The following CNTNAP5 variants were observed in gnomAD, a reference collection of about 807,000 sequenced individuals.
The protein encoded by CNTNAP5 is contactin associated protein family member 5, also known as contactin-associated protein-like 5.
In CNTNAP5, 72 loss-of-function variants were observed where a neutral mutation model predicts 150.2. That is an observed-to-expected ratio of 0.48 (90% CI 0.40 to 0.58). The LOEUF (loss-of-function observed/expected upper bound fraction) is 0.58, where lower values mean the gene tolerates loss of function less well. Ranked by LOEUF, CNTNAP5 falls within the 20% of genes least tolerant of loss-of-function variation. The pLI is 0.00. For synonymous variants in CNTNAP5, 672 were observed against 619.8 expected, an observed-to-expected ratio of 1.08 and a Z score of -1.25; for missense variants, 1,636 against 1,626.2, an observed-to-expected ratio of 1.01 and a Z score of -0.10.
intron 1 of CNTNAP5, among the ~76,000 whole-genome samples, chr2:124,060,081 C>T (rs555842386): frequency 6.6e-6 from 1 of 152,272 alleles, no homozygotes; most frequent in East Asian, 1.9e-4. Flanking sequence ...AGGCTTGACA[C>T]TTATGAGAAG....
At chr2:124,504,701 G>T in intron 8 of CNTNAP5, 145 bp downstream of exon 8, 4 of 593,840 alleles carry the variant, frequency 6.7e-6, no homozygotes, top group South Asian at 5.3e-5. Context: ...TGAAGAGGCA[G>T]CATTTTTTTT....
chr2:124,623,934 T>G (rs759015019), intron 12 of CNTNAP5, among the ~76,000 whole-genome samples: 9 of 152,246 alleles, frequency 5.9e-5, no homozygotes, highest in Non-Finnish European at 1.3e-4. Context: ...GAGGACTATT[T>G]TAGGCTGAAG....
rs1677962836 is a variant in CNTNAP5, at chr2:124,636,049, C to T, written c.1877-11709C>T. On this transcript the variant is annotated intron_variant, in intron 12 of 23. Coordinates refer to ENST00000682447, the MANE Select transcript of CNTNAP5 (RefSeq NM_001367498.1). ...TTTTGCTCTCCCTCTTTAGAGTATG[C>T]TGTCATTTTGTTCTCATGTAAAGCT... Among the ~76,000 whole-genome samples the T allele has an allele frequency of 2.0e-5, 3 of 152,142 alleles. No homozygotes were observed. The South Asian group carries it at 6.2e-4, about 31-fold the overall frequency.
At chr2:124,791,502 C>T (rs1307034320) in intron 18 of CNTNAP5, among the ~76,000 whole-genome samples, 2 of 152,090 alleles carry the variant, frequency 1.3e-5, no homozygotes, top group Non-Finnish European at 2.9e-5. Context: ...TGAGCCATCC[C>T]ACATGCTAGG....
intron 13 of CNTNAP5, among the ~76,000 whole-genome samples, chr2:124,683,380 A>G (rs1199135129): frequency 6.6e-6 from 1 of 152,162 alleles, no homozygotes; most frequent in Non-Finnish European, 1.5e-5. Flanking sequence ...ACTTTTTTTT[A>G]TTAAAACAGT....
At chr2:124,778,237 A>T (rs1254667463) in intron 17 of CNTNAP5, among the ~76,000 whole-genome samples, 1 of 152,138 alleles carries the variant, frequency 6.6e-6, no homozygotes, top group Non-Finnish European at 1.5e-5. Context: ...AGGCTGTAAC[A>T]CTGCCTAGAG....
rs567869363 is a variant in CNTNAP5 at position 124,259,042 on chromosome 2, G to A, written c.381+16649G>A. On this transcript the variant is annotated intron_variant, in intron 3 of 23. Transcript: ENST00000682447. ...CCTACAACAGGCCCCGGTGTGTGAT[G>A]TTCCCCACCCTGTGTCCAAGTGTTC... Among the ~76,000 whole-genome samples, 16 of 128,876 alleles carry A rather than the reference G, an allele frequency of 1.2e-4. No homozygotes were observed. In the South Asian group the frequency reaches 4.0e-3, roughly 32 times the overall value. The allele number at this position is 128,876 out of a possible 152,430, so 84.5% of individuals were successfully genotyped here.
At chr2:124,635,660 G>T (rs887233733) in intron 12 of CNTNAP5, among the ~76,000 whole-genome samples, 2 of 152,196 alleles carry the variant, frequency 1.3e-5, no homozygotes, top group African/African-American at 4.8e-5. Flanking sequence ...AAGCCTGCTT[G>T]CTCTTGTTCA....
At chr2:124,453,369 G>T (rs1344068773) in intron 6 of CNTNAP5, among the ~76,000 whole-genome samples, 1 of 152,100 alleles carries the variant, frequency 6.6e-6, no homozygotes, top group African/African-American at 2.4e-5. Context: ...AAAGCATCCA[G>T]GATGTCTGGG....
chr2:124,172,504 C>T (rs1047625823), intron 1 of CNTNAP5, among the ~76,000 whole-genome samples: 3 of 152,170 alleles, frequency 2.0e-5, no homozygotes, highest in African/African-American at 4.8e-5. Context: ...CCTCTGACCC[C>T]GGGGATCAAG....
rs2685167 is a variant in CNTNAP5, at chr2:124,847,073, T to G, written c.3218-18233T>G. Among the ~76,000 whole-genome samples, 228 of 152,328 alleles carry G rather than the reference T, an allele frequency of 1.5e-3. 1 individual carries two copies. The highest frequency in any genetic ancestry group is 5.2e-3 in the African/African-American group (216 of 41,580). On this transcript the variant is annotated intron_variant, in intron 19 of 23. Transcript: ENST00000682447. ...GGCCTCCAGCCAGGAGAGGGCACTT[T>G]TAAGAATGCATCACATGTGGCCCTA...
chr2:124,847,154 G>A (rs1227206504), intron 19 of CNTNAP5, among the ~76,000 whole-genome samples: 2 of 152,266 alleles, frequency 1.3e-5, no homozygotes, highest in South Asian at 2.1e-4. Flanking sequence ...AGGATTTTCA[G>A]GTGGGGAGCA....
chr2:124,377,089 A>G (rs1456761518), intron 3 of CNTNAP5, among the ~76,000 whole-genome samples: 1 of 152,142 alleles, frequency 6.6e-6, no homozygotes, highest in Non-Finnish European at 1.5e-5. Context: ...GAAGTTGGAA[A>G]AAATCTTTAA....
At chr2:124,269,200 A>G (rs943570747) in intron 3 of CNTNAP5, among the ~76,000 whole-genome samples, 1 of 152,168 alleles carries the variant, frequency 6.6e-6, no homozygotes, top group Admixed American at 6.5e-5. Context: ...ATTTTAAATG[A>G]AAACCTAAGA....
At chr2:124,292,458 A>C (rs964088788) in intron 3 of CNTNAP5, among the ~76,000 whole-genome samples, 1 of 152,172 alleles carries the variant, frequency 6.6e-6, no homozygotes, top group Non-Finnish European at 1.5e-5. Context: ...TTAAAAACCC[A>C]TAATTACATG....
chr2:124,554,147 C>T (rs1463701173), intron 10 of CNTNAP5, among the ~76,000 whole-genome samples: 1 of 151,814 alleles, frequency 6.6e-6, no homozygotes, highest in East Asian at 1.9e-4. Flanking sequence ...ATAAATCTAG[C>T]AGGTCTTAGC....
intron 3 of CNTNAP5, among the ~76,000 whole-genome samples, chr2:124,393,534 T>C (rs1432481410): frequency 6.6e-6 from 1 of 152,222 alleles, no homozygotes; most frequent in Non-Finnish European, 1.5e-5. Flanking sequence ...GTGTTAAAGA[T>C]GCTAGACCTA....
chr2:124,877,735 G>T (rs995087408), intron 21 of CNTNAP5, among the ~76,000 whole-genome samples: 11 of 152,034 alleles, frequency 7.2e-5, no homozygotes, highest in Admixed American at 5.2e-4. Context: ...GAAGTATCCC[G>T]TGTAGGCTAT....
chr2:124,536,768 CG>C (rs1372749290), intron 10 of CNTNAP5, among the ~76,000 whole-genome samples: 1 of 151,864 alleles, frequency 6.6e-6, no homozygotes, highest in Non-Finnish European at 1.5e-5. Flanking sequence ...GTTGGATTTA[CG>C]GGGGTCAAGG....
Sources: allele counts gnomAD v4.1 joint callset (sites outside exome capture counted in the v4.1 genomes callset), GRCh38; gene constraint gnomAD v4.1.1; transcripts MANE v1.5; gene names NCBI Gene and HGNC (gene_info 2026-07-23, HGNC 2026-07-21).